Variants in ARFGEF2 observed in about 807,000 individuals in gnomAD.
ARFGEF2 encodes the protein ARF guanine nucleotide exchange factor 2.
Under a neutral mutation model 219.9 loss-of-function variants are expected in ARFGEF2, and 74 were observed. The ratio of observed to expected loss-of-function variants is 0.34; its 90% CI spans 0.28 to 0.41. The LOEUF (loss-of-function observed/expected upper bound fraction) is 0.41, where lower values mean the gene tolerates loss of function less well. Among genes scored for constraint, ARFGEF2 ranks in the 10% least tolerant of loss-of-function variants. The pLI is 1.00. For missense variants in ARFGEF2, 1,743 were observed against 2,218.3 expected, an observed-to-expected ratio of 0.79 and a Z score of 4.30; for synonymous variants, 733 against 799.2, an observed-to-expected ratio of 0.92 and a Z score of 1.40.
rs1429398335 is a variant in ARFGEF2 at position 48,953,634 on chromosome 20, C to G, written c.682C>G (p.Pro228Ala). 1.2e-6 allele frequency: 2 copies of G among 1,614,156 alleles called. No individual in the cohort carries two copies. Among genetic ancestry groups the G allele is most frequent in the African/African-American group, 1.3e-5 (1 of 75,012 alleles). The change falls in exon 6 of 39, where the codon CCA becomes GCA. Residue 228 changes from proline to alanine, a missense_variant. By Grantham distance (27) the Pro-to-Ala change is conservative. This residue lies in a region of ARFGEF2 where 394 missense variants were observed against 426.6 expected (regional missense o/e 0.92). Coordinates refer to ENST00000371917, the MANE Select transcript of ARFGEF2 (RefSeq NM_006420.3). Reference protein sequence around the residue: ...SPVIQAAAVSPKFVRLKHSQA... With the variant: ...SPVIQAAAVSAKFVRLKHSQA... Reference sequence around the variant, plus strand: ...TGTGATCCAAGCTGCAGCAGTATCCCCAAAGTTCGTTCGTTTGAAGCACAG... The same window carrying G: ...TGTGATCCAAGCTGCAGCAGTATCCGCAAAGTTCGTTCGTTTGAAGCACAG...
At chr20:48,993,249 T>C (rs1328483937) in intron 21 of ARFGEF2, among the ~76,000 whole-genome samples, 2 of 152,178 alleles carry the variant, frequency 1.3e-5, no homozygotes, top group South Asian at 2.1e-4. Flanking sequence ...AAAAATTAAT[T>C]AGCTACCTCT....
intron 14 of ARFGEF2, among the ~76,000 whole-genome samples, chr20:48,981,761 A>C (rs6090932): frequency 0.36 from 54,932 of 151,776 alleles, 10,759 homozygotes; most frequent in African/African-American, 0.53. Flanking sequence ...CCTTTCTTCC[A>C]CTTGATCAAA....
intron 1 of ARFGEF2, among the ~76,000 whole-genome samples, chr20:48,923,757 T>G (rs566000861): frequency 5.3e-5 from 8 of 152,216 alleles, no homozygotes; most frequent in Non-Finnish European, 1.2e-4. Context: ...TCAGAAAACT[T>G]CTTAACATAA....
intron 36 of ARFGEF2, among the ~76,000 whole-genome samples, chr20:49,027,186 AG>A (rs2091608802): frequency 6.6e-6 from 1 of 151,772 alleles, no homozygotes; most frequent in Non-Finnish European, 1.5e-5. Context: ...CCTGGGTTCA[AG>A]CGATTCTCCT....
intron 20 of ARFGEF2, among the ~76,000 whole-genome samples, chr20:48,989,917 C>T (rs905493969): frequency 4.6e-5 from 7 of 152,168 alleles, no homozygotes; most frequent in African/African-American, 1.2e-4. Context: ...CAGTGGCTCA[C>T]GCCTGTAATC....
intron 20 of ARFGEF2, 149 bp downstream of exon 20, chr20:48,989,833 T>C: frequency 8.0e-7 from 1 of 1,251,780 alleles, no homozygotes; most frequent in Non-Finnish European, 1.1e-6. Flanking sequence ...TCCGTAGCTT[T>C]GTGATGACAG....
chr20:48,988,198 C>T, intron 16 of ARFGEF2, 106 bp from the exon 17 acceptor site: 1 of 798,882 alleles, frequency 1.3e-6, no homozygotes, highest in African/African-American at 1.7e-5. Context: ...CATTTGGAAT[C>T]AAGGGGAGTA....
At chr20:48,976,563 CT>C (rs1014386525) in intron 14 of ARFGEF2, among the ~76,000 whole-genome samples, 40 of 152,270 alleles carry the variant, frequency 2.6e-4, no homozygotes, top group African/African-American at 9.4e-4. Context: ...AATCCCAGCA[CT>C]TTAGGAGGCT....
rs554765988 is a variant in ARFGEF2, at chr20:49,011,853, A to G, written c.3758-71A>G. On this transcript the variant is annotated intron_variant, in intron 27 of 38. Transcript: ENST00000371917. ...TGTATGTGTGTGTGTGTGTGTGTGCACGCACGTGCATTTTTTCATCCCCAT... is the reference window on the plus strand; with the variant it reads ...TGTATGTGTGTGTGTGTGTGTGTGCGCGCACGTGCATTTTTTCATCCCCAT... The G allele has an allele frequency of 4.8e-6, 7 of 1,462,036 alleles. No homozygotes were observed. In the South Asian group the frequency reaches 8.0e-5, roughly 17 times the overall value. The allele number at this position is 1,462,036 out of a possible 1,614,324, so 90.6% of individuals were successfully genotyped here.
intron 18 of ARFGEF2, 100 bp downstream of exon 18, chr20:48,988,762 G>A: frequency 9.3e-7 from 1 of 1,072,102 alleles, no homozygotes; most frequent in Non-Finnish European, 1.4e-6. Flanking sequence ...TGCATAGCTG[G>A]ATATCTGAAT....
chr20:48,968,889 A>G (rs1358820205), intron 8 of ARFGEF2, among the ~76,000 whole-genome samples: 1 of 152,130 alleles, frequency 6.6e-6, no homozygotes, highest in Non-Finnish European at 1.5e-5. Context: ...TCTCTATTAA[A>G]TAGAAGAATT....
Position 49,033,114 on chromosome 20 carries a change from T to C in ARFGEF2, c.5273T>C (p.Phe1758Ser). The C allele has an allele frequency of 1.2e-6, 2 of 1,614,244 alleles. No homozygotes were observed. Among genetic ancestry groups the C allele is most frequent in the Non-Finnish European group, 1.7e-6 (2 of 1,180,028 alleles). The change falls in exon 39 of 39, where the codon TTC (phenylalanine) becomes TCC (serine). Residue 1758 changes from phenylalanine to serine, a missense_variant. Around this residue, in one of 5 missense-constraint regions of ARFGEF2, gnomAD observed 578 missense variants for 664.0 expected, o/e 0.87. Coordinates refer to ENST00000371917, the MANE Select transcript of ARFGEF2 (RefSeq NM_006420.3). ...GAGCTCCGAGCAGTTCTGCGGAAGT[T>C]CTTCCTACGGATAGGTGTTGTGTAT... Reference protein sequence around the residue: ...IPELRAVLRKFFLRIGVVYKI... With the variant: ...IPELRAVLRKSFLRIGVVYKI...
chr20:48,976,608 A>T (rs1199380355), intron 14 of ARFGEF2, among the ~76,000 whole-genome samples: 5 of 152,264 alleles, frequency 3.3e-5, no homozygotes, highest in Admixed American at 3.3e-4. Flanking sequence ...GGAGATCAAG[A>T]CCATCCTGGC....
intron 1 of ARFGEF2, among the ~76,000 whole-genome samples, chr20:48,925,401 C>T (rs1212224694): frequency 6.6e-6 from 1 of 152,180 alleles, no homozygotes; most frequent in Non-Finnish European, 1.5e-5. Flanking sequence ...AATATAATTA[C>T]ATTCTTAAAC....
At chr20:49,013,507 T>C in intron 28 of ARFGEF2, 57 bp from the exon 29 acceptor site, 2 of 1,612,180 alleles carry the variant, frequency 1.2e-6, no homozygotes, top group Non-Finnish European at 1.7e-6. Flanking sequence ...TAGTTCCCTT[T>C]CAGTTCCTTC....
intron 8 of ARFGEF2, among the ~76,000 whole-genome samples, chr20:48,968,373 A>G (rs1470749630): frequency 6.6e-6 from 1 of 150,996 alleles, no homozygotes; most frequent in African/African-American, 2.4e-5. Context: ...CGTAATACCT[A>G]TACTTTGTTA....
At chr20:48,972,229 T>C (rs1007089816) in intron 10 of ARFGEF2, 97 bp from the exon 11 acceptor site, 4 of 832,674 alleles carry the variant, frequency 4.8e-6, no homozygotes, top group Non-Finnish European at 8.2e-6. Context: ...GGTGCTTTAC[T>C]TACTGCACGA....
chr20:48,937,373 A>G (rs1843976976), intron 1 of ARFGEF2, among the ~76,000 whole-genome samples: 1 of 152,204 alleles, frequency 6.6e-6, no homozygotes. Flanking sequence ...TACTGGGCCT[A>G]GTGGAGAAGA....
Position 49,032,124 on chromosome 20 carries a change from G to T in ARFGEF2, c.5139G>T (p.Leu1713Phe). Reference protein sequence around the residue: ...ESHREAWTSLLLLLLTKTLKI... With the variant: ...ESHREAWTSLFLLLLTKTLKI... ...ATCGGGAGGCCTGGACAAGTCTCTT[G>T]TTGTTACTTCTAACTAAAACCCTCA... Residue 1713 changes from leucine (L) to phenylalanine (F), a missense_variant, in exon 38 of 39, where the codon TTG (leucine) becomes TTT (phenylalanine). Leu to Phe is a conservative substitution (Grantham distance 22, BLOSUM62 0). Around this residue, in one of 5 missense-constraint regions of ARFGEF2, gnomAD observed 578 missense variants for 664.0 expected, o/e 0.87. Transcript: ENST00000371917. 6.8e-6 allele frequency: 11 copies of T among 1,613,990 alleles called. No homozygotes were observed. Among genetic ancestry groups the T allele is most frequent in the Non-Finnish European group, 8.5e-6 (10 of 1,179,968 alleles).
Sources: allele counts gnomAD v4.1 joint callset (sites outside exome capture counted in the v4.1 genomes callset), GRCh38; gene constraint gnomAD v4.1.1; regional missense constraint gnomAD v4.1.1; transcripts MANE v1.5; gene names NCBI Gene and HGNC (gene_info 2026-07-23, HGNC 2026-07-21).